The following CNTNAP2 variants were observed in gnomAD, a reference collection of about 807,000 sequenced individuals.
The protein encoded by CNTNAP2 is contactin-associated protein-like 2.
A neutral mutation model predicts 155.2 loss-of-function variants in CNTNAP2; 98 were observed. The ratio of observed to expected loss-of-function variants is 0.63; its 90% CI spans 0.54 to 0.75. The LOEUF (loss-of-function observed/expected upper bound fraction) is 0.75, where lower values mean the gene tolerates loss of function less well. Among genes scored for constraint, CNTNAP2 ranks in the 30% least tolerant of loss-of-function variants. CNTNAP2 has a pLI of 0.00. For synonymous variants in CNTNAP2, 651 were observed against 631.2 expected, an observed-to-expected ratio of 1.03 and a Z score of -0.47; for missense variants, 1,727 against 1,688.1, an observed-to-expected ratio of 1.02 and a Z score of -0.40.
At chr7:147,652,133 A>G (rs1795459148) in intron 13 of CNTNAP2, among the ~76,000 whole-genome samples, 2 of 152,206 alleles carry the variant, frequency 1.3e-5, no homozygotes, top group Admixed American at 1.3e-4. Flanking sequence ...CCACCAATGA[A>G]TGATAAGACT....
intron 1 of CNTNAP2, among the ~76,000 whole-genome samples, chr7:146,722,029 A>T (rs1352618431): frequency 6.7e-6 from 1 of 149,950 alleles, no homozygotes; most frequent in African/African-American, 2.5e-5. Flanking sequence ...CTGGGATTAC[A>T]GGTGCCGGCT....
chr7:147,109,885 G>T (rs1437190419), intron 5 of CNTNAP2, among the ~76,000 whole-genome samples: 3 of 146,636 alleles, frequency 2.0e-5, no homozygotes, highest in African/African-American at 7.7e-5. Context: ...ATGTGGGGTT[G>T]TTGTTATTTG....
intron 14 of CNTNAP2, among the ~76,000 whole-genome samples, chr7:147,925,847 C>G (rs1031485777): frequency 2.6e-5 from 4 of 152,174 alleles, no homozygotes; most frequent in African/African-American, 4.8e-5. Context: ...AAACTATTCT[C>G]TGTATTCCCT....
At position 148,238,667 on chromosome 7, in the gene CNTNAP2, G is replaced by A. The variant is rs370836434; in HGVS notation, c.3381+8888G>A. Among the ~76,000 whole-genome samples the A allele has an allele frequency of 6.6e-5, 10 of 152,274 alleles. No individual in the cohort carries two copies. In the East Asian group the frequency reaches 1.2e-3, roughly 18 times the overall value. ...ATCAAAGAGAACTACAAGGTCCAACGTTAAGGCTAGTGTTTTTACAGCACA... is the reference window on the plus strand; with the variant it reads ...ATCAAAGAGAACTACAAGGTCCAACATTAAGGCTAGTGTTTTTACAGCACA... On this transcript the variant is annotated intron_variant, in intron 20 of 23. Transcript: ENST00000361727.
At chr7:146,521,006 C>A (rs1797609852) in intron 1 of CNTNAP2, among the ~76,000 whole-genome samples, 1 of 151,902 alleles carries the variant, frequency 6.6e-6, no homozygotes, top group Non-Finnish European at 1.5e-5. Context: ...CTTGACTTTT[C>A]TGACCCTTCA....
At chr7:147,187,928 G>A (rs1037149418) in intron 8 of CNTNAP2, among the ~76,000 whole-genome samples, 3 of 152,084 alleles carry the variant, frequency 2.0e-5, no homozygotes, top group African/African-American at 7.2e-5. Context: ...AGGTATGGTG[G>A]TGCACACCTG....
chr7:148,116,501 C>T (rs1408634472), intron 15 of CNTNAP2, among the ~76,000 whole-genome samples: 2 of 152,308 alleles, frequency 1.3e-5, no homozygotes, highest in East Asian at 3.9e-4. Context: ...CAGTAGACAA[C>T]TTGAATTCTG....
intron 1 of CNTNAP2, among the ~76,000 whole-genome samples, chr7:146,572,130 C>T (rs537845336): frequency 1.3e-5 from 2 of 152,182 alleles, no homozygotes; most frequent in Non-Finnish European, 2.9e-5. Flanking sequence ...AATATTAAAA[C>T]TCAAATTCAC....
At chr7:147,800,832 A>C (rs975876331) in intron 13 of CNTNAP2, among the ~76,000 whole-genome samples, 2 of 152,202 alleles carry the variant, frequency 1.3e-5, no homozygotes, top group Non-Finnish European at 2.9e-5. Flanking sequence ...TTCTATGTTT[A>C]GATATACACA....
At chr7:147,200,689 A>C (rs982850493) in intron 8 of CNTNAP2, among the ~76,000 whole-genome samples, 12 of 152,214 alleles carry the variant, frequency 7.9e-5, no homozygotes, top group African/African-American at 2.9e-4. Flanking sequence ...TCTGCTCACA[A>C]GGGCAGAAAA....
intron 1 of CNTNAP2, among the ~76,000 whole-genome samples, chr7:146,437,883 T>C (rs935117919): frequency 2.4e-5 from 1 of 41,210 alleles, no homozygotes; most frequent in Admixed American, 3.1e-4. Flanking sequence ...CCAATCTCGT[T>C]TTTTTTTTTG....
rs183914144 is a variant in CNTNAP2, at chr7:146,313,556, C to T, written c.97+196583C>T. On this transcript the variant is annotated intron_variant, in intron 1 of 23. Coordinates refer to ENST00000361727, the MANE Select transcript of CNTNAP2 (RefSeq NM_014141.6). Reference sequence around the variant, plus strand: ...GAAGCTGTTTAGTTTGAGGCAATTCCGTTTGTCTATTTTTGCTTTTGCTGC... The same window carrying T: ...GAAGCTGTTTAGTTTGAGGCAATTCTGTTTGTCTATTTTTGCTTTTGCTGC... Among the ~76,000 whole-genome samples, 419 of 152,154 alleles carry T rather than the reference C, an allele frequency of 2.8e-3. 2 individuals carry two copies. Among genetic ancestry groups the T allele is most frequent in the African/African-American group, 9.3e-3 (388 of 41,516 alleles).
chr7:147,214,512 T>C (rs1053397854), intron 8 of CNTNAP2, among the ~76,000 whole-genome samples: 1 of 152,202 alleles, frequency 6.6e-6, no homozygotes, highest in Non-Finnish European at 1.5e-5. Context: ...GGCCTGTAAG[T>C]ACTTAATGAT....
At chr7:147,604,947 C>T (rs192450921) in intron 12 of CNTNAP2, among the ~76,000 whole-genome samples, 1 of 152,224 alleles carries the variant, frequency 6.6e-6, no homozygotes, top group Admixed American at 6.5e-5. Flanking sequence ...GCTTCTGAAA[C>T]AAATATCAAT....
intron 8 of CNTNAP2, among the ~76,000 whole-genome samples, chr7:147,186,253 T>A (rs1288903343): frequency 6.6e-6 from 1 of 152,182 alleles, no homozygotes; most frequent in Non-Finnish European, 1.5e-5. Flanking sequence ...AGGATTTGTT[T>A]AATTGGTATG....
At chr7:148,415,010 G>T in intron 23 of CNTNAP2, 1 of 318,090 alleles carries the variant, frequency 3.1e-6, no homozygotes, top group Non-Finnish European at 6.0e-6. Flanking sequence ...CTCCATTCAG[G>T]GAAACCACTG....
chr7:147,109,842 C>T (rs1800839282), intron 5 of CNTNAP2, among the ~76,000 whole-genome samples: 1 of 152,062 alleles, frequency 6.6e-6, no homozygotes, highest in Non-Finnish European at 1.5e-5. Context: ...GAAATGTTGG[C>T]TGCTGAAAGA....
intron 9 of CNTNAP2, among the ~76,000 whole-genome samples, chr7:147,367,909 C>A (rs1313888608): frequency 6.6e-6 from 1 of 152,006 alleles, no homozygotes; most frequent in African/African-American, 2.4e-5. Flanking sequence ...AATGGGCTAA[C>A]CTTTGCGGTC....
rs113952319 is a variant in CNTNAP2, at chr7:147,949,442, A to G, written c.2256-28420A>G. Among the ~76,000 whole-genome samples, 921 of 99,892 alleles carry G rather than the reference A, an allele frequency of 9.2e-3. 5 individuals are homozygous for G. The highest frequency in any genetic ancestry group is 0.023 in the Middle Eastern group (3 of 132). 65.5% of individuals were successfully genotyped at this position (99,892 alleles called of 152,430 possible). A position where few individuals can be genotyped will look rare whatever the true frequency, so the allele number is the denominator to read the frequency against. On this transcript the variant is annotated intron_variant, in intron 14 of 23. Transcript: ENST00000361727. ...TGTTGTTCAAGGATCAACTGTGTGT[A>G]TATATATATATATATATTTTTTTTT...
Sources: allele counts gnomAD v4.1 joint callset (sites outside exome capture counted in the v4.1 genomes callset), GRCh38; gene constraint gnomAD v4.1.1; transcripts MANE v1.5; gene names NCBI Gene and HGNC (gene_info 2026-07-23, HGNC 2026-07-21).